The following SYNE2 variants were observed in gnomAD, a reference collection of about 807,000 sequenced individuals.
SYNE2 encodes nesprin-2.
A neutral mutation model predicts 856.3 loss-of-function variants in SYNE2; 431 were observed. The ratio of observed to expected loss-of-function variants is 0.50; its 90% CI spans 0.47 to 0.55. SYNE2 has a LOEUF of 0.55. Among genes scored for constraint, SYNE2 ranks in the 20% least tolerant of loss-of-function variants. The pLI is 0.00. For missense variants in SYNE2, 8,129 were observed against 8,023.2 expected (o/e 1.01, Z -0.50); for synonymous variants, 2,923 against 2,872.3 (o/e 1.02, Z -0.56).
At chr14:63,884,219 C>T (rs2094929831) in intron 1 of SYNE2, among the ~76,000 whole-genome samples, 1 of 152,226 alleles carries the variant, frequency 6.6e-6, no homozygotes, top group Admixed American at 6.5e-5. Flanking sequence ...CAGGCCAGCG[C>T]TGCTACAGAA....
At chr14:63,833,726 C>T (rs146946163) in intron 1 of SYNE2, among the ~76,000 whole-genome samples, 1 of 152,244 alleles carries the variant, frequency 6.6e-6, no homozygotes, top group African/African-American at 2.4e-5. Flanking sequence ...ATACTTTTAA[C>T]CTAATATTTC....
intron 106 of SYNE2, 130 bp downstream of exon 106, chr14:64,214,600 G>C: frequency 1.1e-6 from 1 of 901,450 alleles, no homozygotes; most frequent in Admixed American, 2.1e-5. Flanking sequence ...GTGGTTTCCT[G>C]TGCTCTATCC....
At chr14:64,177,546 G>C in intron 96 of SYNE2, 63 bp downstream of exon 96, 1 of 1,603,758 alleles carries the variant, frequency 6.2e-7, no homozygotes, top group Non-Finnish European at 8.5e-7. Context: ...ACTTTGAAGT[G>C]CTTCTTTGCC....
chr14:63,990,342 T>G, intron 19 of SYNE2, 69 bp from the exon 20 acceptor site: 1 of 1,501,150 alleles, frequency 6.7e-7, no homozygotes, highest in Non-Finnish European at 9.1e-7. Context: ...TTTCCTGAGA[T>G]TGTTTTGATT....
chr14:63,767,871 A>AT (rs939384976), intron 1 of SYNE2, among the ~76,000 whole-genome samples: 3 of 152,186 alleles, frequency 2.0e-5, no homozygotes, highest in Non-Finnish European at 4.4e-5. Flanking sequence ...ATCATTTCAC[A>AT]TTTTTTTGTG....
At chr14:63,944,772 GC>G (rs2095994456) in intron 6 of SYNE2, among the ~76,000 whole-genome samples, 1 of 143,834 alleles carries the variant, frequency 7.0e-6, no homozygotes, top group Non-Finnish European at 1.5e-5. Context: ...TCCTGCCTTG[GC>G]CTCCCAAAGT....
chr14:64,151,411 C>T (rs1303232500), intron 84 of SYNE2, among the ~76,000 whole-genome samples: 1 of 50,472 alleles, frequency 2.0e-5, no homozygotes, highest in African/African-American at 7.9e-5. Context: ...GTGATTCTTA[C>T]AAAGGATTTA....
intron 7 of SYNE2, among the ~76,000 whole-genome samples, chr14:63,950,487 G>A (rs1442911942): frequency 4.6e-5 from 7 of 152,136 alleles, no homozygotes; most frequent in South Asian, 2.1e-4. Context: ...CCTGGGAGGC[G>A]GAGGTTGCGG....
intron 82 of SYNE2, among the ~76,000 whole-genome samples, chr14:64,143,258 C>T (rs543285076): frequency 6.6e-6 from 1 of 152,294 alleles, no homozygotes; most frequent in East Asian, 1.9e-4. Flanking sequence ...TTTAGGATTG[C>T]TGTACAACTT....
chr14:64,085,089 T>C lies in SYNE2; in HGVS notation c.11485-2582T>C, dbSNP rs756813616. The C allele has an allele frequency of 9.6e-5, 67 of 695,476 alleles. 1 individual carries two copies. Among genetic ancestry groups the C allele is most frequent in the Non-Finnish European group, 1.5e-4 (58 of 381,934 alleles). 43.1% of individuals were successfully genotyped at this position (695,476 alleles called of 1,614,324 possible). A position where few individuals can be genotyped will look rare whatever the true frequency, so the allele number is the denominator to read the frequency against. On this transcript the variant is annotated intron_variant, in intron 57 of 115. Transcript: ENST00000555002. ...GAAGCCACATTTTTTTTTTTTCTTT[T>C]AGAGACAGGGTCTTGCTCTGTCACC...
Position 63,835,039 on chromosome 14 carries a change from G to C in SYNE2, c.-304-17462G>C, listed in dbSNP as rs146154626. Among the ~76,000 whole-genome samples the C allele has an allele frequency of 1.5e-3, 230 of 152,106 alleles. 1 individual carries two copies. The highest frequency in any genetic ancestry group is 4.8e-3 in the African/African-American group (201 of 41,486). ...AAGTAAATAAAATAAAATAAATAAA[G>C]CTTCTTTTATTTATTCATTAATTCA... On this transcript the variant is annotated intron_variant, in intron 1 of 23. Coordinates refer to the SYNE2 transcript ENST00000674003.
intron 1 of SYNE2, among the ~76,000 whole-genome samples, chr14:63,905,891 T>G (rs772336057): frequency 4.6e-5 from 7 of 152,164 alleles, no homozygotes; most frequent in Non-Finnish European, 8.8e-5. Flanking sequence ...TCAGGGGGAA[T>G]TGTTCCAGCT....
chr14:63,879,516 G>T (rs1020244614), intron 1 of SYNE2, among the ~76,000 whole-genome samples: 1 of 152,194 alleles, frequency 6.6e-6, no homozygotes, highest in Non-Finnish European at 1.5e-5. Flanking sequence ...TCCAGGAAAG[G>T]CCCAGGTGGC....
Position 63,834,643 on chromosome 14 carries a change from C to CTTT in SYNE2, c.-304-17844_-304-17842dup, listed in dbSNP as rs368369862. 9.0e-4 allele frequency among the ~76,000 whole-genome samples: 122 copies of CTTT among 134,946 alleles called. 1 individual carries two copies. The highest frequency in any genetic ancestry group is 3.2e-3 in the African/African-American group (116 of 36,468). 88.5% of individuals were successfully genotyped at this position (134,946 alleles called of 152,430 possible). ...GCATTTGTCCAATTTCTTTTTCTTT[C>CTTT]TTTTTTTTTTTTTTTTGAGATAGAG... On this transcript the variant is annotated intron_variant, in intron 1 of 23. Transcript: ENST00000674003.
intron 45 of SYNE2, among the ~76,000 whole-genome samples, chr14:64,033,979 T>C (rs1475670816): frequency 1.3e-5 from 2 of 152,248 alleles, no homozygotes; most frequent in Non-Finnish European, 2.9e-5. Context: ...GTACTGGCTG[T>C]ATTTTCTTGT....
chr14:63,941,717 C>T lies in SYNE2; in HGVS notation c.164C>T (p.Ser55Phe). ...CAGCACACTTCTCCCTCAGTTATAT[C>T]CGACCTATTCACAGACATTAAAAAG... ...LARHTSPSVI[S>F]DLFTDIKKGH... Residue 55 changes from serine (S) to phenylalanine (F), a missense_variant, in exon 4 of 116, where the codon TCC (serine) becomes TTC (phenylalanine). By Grantham distance (155) the Ser-to-Phe change is radical. Around this residue, in one of 3 missense-constraint regions of SYNE2, gnomAD observed 2,422 missense variants for 2,357.4 expected, o/e 1.03. Transcript: ENST00000555002. 1 of 1,614,096 alleles carries T rather than the reference C, an allele frequency of 6.2e-7. No individual in the cohort carries two copies. Among genetic ancestry groups the T allele is most frequent in the Non-Finnish European group, 8.5e-7 (1 of 1,179,980 alleles).
At chr14:64,123,937 G>T (rs372120493) in intron 70 of SYNE2, among the ~76,000 whole-genome samples, 1 of 150,954 alleles carries the variant, frequency 6.6e-6, no homozygotes, top group East Asian at 2.0e-4. Context: ...AGGTGCAGTG[G>T]CTCACGCCTA....
rs753925813 is a variant in SYNE2 at position 64,170,352 on chromosome 14, G to A, written c.17125G>A (p.Val5709Met). 1.2e-6 allele frequency: 2 copies of A among 1,614,028 alleles called. No homozygotes were observed. Among genetic ancestry groups the A allele is most frequent in the Non-Finnish European group, 1.7e-6 (2 of 1,180,026 alleles). ...GCAGTGGCAAGATTTCACTACTTCT[G>A]TGGAGAACTTGTTTCGCTTCCTCAC... ...VRQWQDFTTS[V>M]ENLFRFLTDT... The change falls in exon 94 of 116, where the codon GTG becomes ATG. Residue 5709 changes from valine (V) to methionine (M), a missense_variant. Physicochemically the swap from Val to Met is conservative, Grantham distance 21. Coordinates refer to ENST00000555002, the MANE Select transcript of SYNE2 (RefSeq NM_182914.3).
intron 1 of SYNE2, among the ~76,000 whole-genome samples, chr14:63,865,938 T>A (rs1895189795): frequency 6.6e-6 from 1 of 152,136 alleles, no homozygotes; most frequent in East Asian, 1.9e-4. Context: ...AACAAAAATG[T>A]TCCTTCTGAC....
Sources: gnomAD v4.1 joint callset for allele counts (sites outside exome capture counted in the v4.1 genomes callset) on GRCh38, gnomAD v4.1.1 for gene constraint, gnomAD v4.1.1 regional missense constraint, MANE v1.5 for transcripts, NCBI Gene and HGNC (gene_info 2026-07-23, HGNC 2026-07-21) for gene names.